The following DZIP3 variants were observed in gnomAD, a reference collection of about 807,000 sequenced individuals.
The protein encoded by DZIP3 is E3 ubiquitin-protein ligase DZIP3.
DZIP3 carries 118 observed loss-of-function variants against 162.0 expected under a neutral mutation model. The ratio of observed to expected loss-of-function variants is 0.73; its 90% CI spans 0.63 to 0.85. The LOEUF is 0.85. Ranked by LOEUF, DZIP3 falls within the 40% of genes least tolerant of loss-of-function variation. DZIP3 has a pLI of 0.00. For missense variants in DZIP3, 1,331 were observed against 1,407.0 expected, an observed-to-expected ratio of 0.95 and a Z score of 0.86; for synonymous variants, 438 against 458.6, an observed-to-expected ratio of 0.96 and a Z score of 0.57.
chr3:108,622,783 G>A (rs1941412244), intron 5 of DZIP3, among the ~76,000 whole-genome samples: 1 of 149,892 alleles, frequency 6.7e-6, no homozygotes, highest in Admixed American at 6.7e-5. Flanking sequence ...GAACTCCTTG[G>A]ATTACCAGGC....
chr3:108,676,979 A>G (rs1231187019), intron 25 of DZIP3, among the ~76,000 whole-genome samples: 2 of 152,124 alleles, frequency 1.3e-5, no homozygotes, highest in African/African-American at 2.4e-5. Flanking sequence ...AGAGAATAAA[A>G]TGTGTATGGA....
intron 31 of DZIP3, among the ~76,000 whole-genome samples, chr3:108,689,641 C>T (rs1046931136): frequency 6.6e-6 from 1 of 152,032 alleles, no homozygotes. Context: ...GAGCCGAGAT[C>T]GGGCCCCTGC....
chr3:108,681,435 T>C (rs2107397754), intron 26 of DZIP3, among the ~76,000 whole-genome samples: 1 of 152,218 alleles, frequency 6.6e-6, no homozygotes, highest in South Asian at 2.1e-4. Context: ...AAACAACAGA[T>C]ACTAGAGAGG....
chr3:108,640,058 A>C (rs930316048), intron 12 of DZIP3, among the ~76,000 whole-genome samples: 2 of 152,002 alleles, frequency 1.3e-5, no homozygotes, highest in Non-Finnish European at 2.9e-5. Flanking sequence ...TAATTGCCAA[A>C]TGTTTGGGAA....
rs757851508 is a variant in DZIP3 at position 108,688,109 on chromosome 3, A to C, written c.3270+13A>C. On this transcript the variant is annotated intron_variant, in intron 29 of 32. Coordinates refer to ENST00000361582, the MANE Select transcript of DZIP3 (RefSeq NM_014648.4). Reference sequence around the variant, plus strand: ...CAAAAAGTCTCAGGTAAAATGCAAAAACAACCAAAAAACCTGTATCTCTCT... The same window carrying C: ...CAAAAAGTCTCAGGTAAAATGCAAACACAACCAAAAAACCTGTATCTCTCT... 1.2e-5 allele frequency: 19 copies of C among 1,612,630 alleles called. No homozygotes were observed. The Admixed American group carries it at 3.2e-4, about 27-fold the overall frequency.
At chr3:108,677,291 G>T (rs1266486361) in intron 25 of DZIP3, among the ~76,000 whole-genome samples, 2 of 151,222 alleles carry the variant, frequency 1.3e-5, no homozygotes, top group Non-Finnish European at 2.9e-5. Flanking sequence ...AACCAATAAC[G>T]ACTCCTAAAA....
intron 19 of DZIP3, among the ~76,000 whole-genome samples, chr3:108,660,417 G>C (rs2107289455): frequency 6.6e-6 from 1 of 152,212 alleles, no homozygotes; most frequent in South Asian, 2.1e-4. Flanking sequence ...AATGGTGCTG[G>C]GAAAACTGGC....
chr3:108,594,796 A>G (rs1385169904), intron 1 of DZIP3, among the ~76,000 whole-genome samples: 3 of 152,274 alleles, frequency 2.0e-5, no homozygotes, highest in African/African-American at 7.2e-5. Context: ...TGCATTCCTT[A>G]GTATATTTTT....
chr3:108,634,245 A>G (rs927514000), intron 9 of DZIP3, among the ~76,000 whole-genome samples: 1 of 152,114 alleles, frequency 6.6e-6, no homozygotes, highest in Non-Finnish European at 1.5e-5. Context: ...ACATGGTGAT[A>G]TGGTCCTAAG....
chr3:108,684,230 A>G lies in DZIP3; in HGVS notation c.2898A>G (p.Leu966=). ...TTCTATTTTAGATGCAGCAGTTCTTAGGAAGACCTCTTGTGAAAGAATCTT... is the reference window on the plus strand; with the variant it reads ...TTCTATTTTAGATGCAGCAGTTCTTGGGAAGACCTCTTGTGAAAGAATCTT... ...PSPEILMQQF[L]GRPLVKESFF... The change falls in exon 27 of 33, where the codon TTA becomes TTG. Residue 966 remains leucine (L), a synonymous_variant. Transcript: ENST00000361582. 1 of 1,610,844 alleles carries G rather than the reference A, an allele frequency of 6.2e-7. No individual in the cohort carries two copies. Among genetic ancestry groups the G allele is most frequent in the Non-Finnish European group, 8.5e-7 (1 of 1,178,356 alleles).
In DZIP3 at chr3:108,605,444, G is replaced by A; in HGVS notation, c.32+6G>A. 6.2e-7 allele frequency: 1 copy of A among 1,613,148 alleles called. No individual in the cohort carries two copies. The highest frequency in any genetic ancestry group is 8.5e-7 in the Non-Finnish European group (1 of 1,179,588). ...CCAGATGAATTTTTTGTGAGGTAAGGCCACAGTCCCCAACCTTTTTGGCAC... is the reference window on the plus strand; with the variant it reads ...CCAGATGAATTTTTTGTGAGGTAAGACCACAGTCCCCAACCTTTTTGGCAC... On this transcript the variant is annotated splice_donor_region_variant and intron_variant, in intron 2 of 32. Transcript: ENST00000361582.
intron 21 of DZIP3, among the ~76,000 whole-genome samples, chr3:108,665,975 A>G (rs952116552): frequency 6.6e-6 from 1 of 152,160 alleles, no homozygotes; most frequent in Non-Finnish European, 1.5e-5. Flanking sequence ...GAAGGTCTCT[A>G]AACTTTAAAA....
At chr3:108,664,459 G>A (rs1466267818) in intron 21 of DZIP3, among the ~76,000 whole-genome samples, 1 of 152,214 alleles carries the variant, frequency 6.6e-6, no homozygotes, top group African/African-American at 2.4e-5. Flanking sequence ...CTGGGGAGAA[G>A]GAGACAGTGC....
chr3:108,675,535 A>G (rs58714659), intron 24 of DZIP3, among the ~76,000 whole-genome samples: 2,147 of 152,190 alleles, frequency 0.014, 54 homozygotes, highest in African/African-American at 0.048. Flanking sequence ...GACATCATCA[A>G]GATAGAAAAA....
intron 27 of DZIP3, 89 bp from the exon 28 acceptor site, chr3:108,686,356 G>A (rs1944498004): frequency 4.7e-6 from 6 of 1,263,576 alleles, no homozygotes; most frequent in African/African-American, 1.5e-5. Flanking sequence ...ATGCCAGTAC[G>A]CTTCTTCATT....
intron 19 of DZIP3, among the ~76,000 whole-genome samples, chr3:108,658,079 A>G (rs1943229158): frequency 6.6e-6 from 1 of 152,156 alleles, no homozygotes; most frequent in Admixed American, 6.6e-5. Flanking sequence ...TAGACAGATC[A>G]ATGAGACAGA....
Position 108,646,608 on chromosome 3 carries a change from G to A in DZIP3, c.1760-9G>A. 1 of 1,578,404 alleles carries A rather than the reference G, an allele frequency of 6.3e-7. No homozygotes were observed. Among genetic ancestry groups the A allele is most frequent in the Non-Finnish European group, 8.6e-7 (1 of 1,156,990 alleles). On this transcript the variant is annotated splice_polypyrimidine_tract_variant and intron_variant, in intron 14 of 32. Transcript: ENST00000361582. The stretch of plus-strand genomic sequence containing the variant: ...TTGTACATCTAAAATTTTTCTTTAT[G>A]TATTATAGGAATTGCTCTACAGTCA...
chr3:108,647,451 G>T (rs1486615809), intron 15 of DZIP3, among the ~76,000 whole-genome samples: 1 of 152,058 alleles, frequency 6.6e-6, no homozygotes, highest in Non-Finnish European at 1.5e-5. Flanking sequence ...CACAAGTTTT[G>T]AGACTGAGTC....
At chr3:108,623,406 T>G (rs1348096931) in intron 5 of DZIP3, among the ~76,000 whole-genome samples, 2 of 152,088 alleles carry the variant, frequency 1.3e-5, no homozygotes, top group Non-Finnish European at 2.9e-5. Context: ...CAGGACTGGG[T>G]TCTTACCTTC....
Sources: gnomAD v4.1 joint callset for allele counts (sites outside exome capture counted in the v4.1 genomes callset) on GRCh38, gnomAD v4.1.1 for gene constraint, MANE v1.5 for transcripts, NCBI Gene and HGNC (gene_info 2026-07-23, HGNC 2026-07-21) for gene names.